The following TMEM116 variants were observed in gnomAD, a reference collection of about 807,000 sequenced individuals.
TMEM116 encodes the protein transmembrane protein 116.
In TMEM116, 38 loss-of-function variants were observed where a neutral mutation model predicts 44.3. That is an observed-to-expected ratio of 0.86 (90% CI 0.66 to 1.12). TMEM116 has a LOEUF of 1.12. TMEM116 is among the 50% of genes most tolerant of loss of function. The pLI, the probability that TMEM116 is intolerant of heterozygous loss-of-function variation, is 0.00. For missense variants in TMEM116, 354 were observed against 401.7 expected, an observed-to-expected ratio of 0.88 and a Z score of 1.01; for synonymous variants, 132 against 144.8, an observed-to-expected ratio of 0.91 and a Z score of 0.64.
At chr12:111,945,532 T>C (rs992418673) in intron 4 of TMEM116, among the ~76,000 whole-genome samples, 2 of 152,118 alleles carry the variant, frequency 1.3e-5, no homozygotes, top group South Asian at 2.1e-4. Flanking sequence ...TTAAGTGATA[T>C]TGTTAAAAAC....
At chr12:111,992,518 C>G (rs762691877) in intron 3 of TMEM116, among the ~76,000 whole-genome samples, 11 of 152,174 alleles carry the variant, frequency 7.2e-5, no homozygotes, top group Non-Finnish European at 1.6e-4. Context: ...ATCCACCCTC[C>G]TCGGCCTCCC....
intron 1 of TMEM116, among the ~76,000 whole-genome samples, chr12:112,010,173 T>A (rs1450250024): frequency 6.6e-6 from 1 of 152,054 alleles, no homozygotes; most frequent in Non-Finnish European, 1.5e-5. Flanking sequence ...CCTTTTCCAC[T>A]TGTTCTCTAT....
At chr12:111,946,198 A>T (rs2073258888) in intron 4 of TMEM116, among the ~76,000 whole-genome samples, 1 of 152,222 alleles carries the variant, frequency 6.6e-6, no homozygotes, top group Non-Finnish European at 1.5e-5. Flanking sequence ...TAAAATCCAT[A>T]CATTCCCCTT....
chr12:111,942,188 T>C (rs1045818625), intron 5 of TMEM116, among the ~76,000 whole-genome samples: 14 of 152,218 alleles, frequency 9.2e-5, no homozygotes, highest in African/African-American at 3.1e-4. Flanking sequence ...TCCACCCATC[T>C]TGGCTTCCCA....
At position 111,933,992 on chromosome 12, in the gene TMEM116, A is replaced by T; in HGVS notation, c.627T>A (p.Phe209Leu). The change falls in exon 9 of 11, where the codon TTT becomes TTA. Residue 209 changes from phenylalanine to leucine, a missense_variant. Transcript: ENST00000552374. ...TCCCCAGAAAGCCAGTTGACTTCACAAACTTCTTATACAATGTCTGGGCTC... is the reference window on the plus strand; with the variant it reads ...TCCCCAGAAAGCCAGTTGACTTCACTAACTTCTTATACAATGTCTGGGCTC... ...LIRAQTLYKK[F>L]VKSTGFLGSE... The T allele has an allele frequency of 6.2e-7, 1 of 1,614,236 alleles. No individual in the cohort carries two copies. Among genetic ancestry groups the T allele is most frequent in the Non-Finnish European group, 8.5e-7 (1 of 1,180,046 alleles).
At chr12:111,941,308 G>A (rs924735368) in intron 5 of TMEM116, among the ~76,000 whole-genome samples, 7 of 151,692 alleles carry the variant, frequency 4.6e-5, no homozygotes, top group African/African-American at 1.5e-4. Flanking sequence ...CCAGGGAGTC[G>A]GAGGCTGCAG....
At chr12:111,988,066 C>A (rs183123087) in intron 4 of TMEM116, among the ~76,000 whole-genome samples, 1 of 152,060 alleles carries the variant, frequency 6.6e-6, no homozygotes, top group Non-Finnish European at 1.5e-5. Context: ...TGAAATAAGC[C>A]GGACACAAAA....
At chr12:111,987,462 G>A (rs745790175) in intron 4 of TMEM116, among the ~76,000 whole-genome samples, 3 of 148,962 alleles carry the variant, frequency 2.0e-5, no homozygotes, top group Non-Finnish European at 4.4e-5. Flanking sequence ...CCGAGATAGC[G>A]CCACTGCACT....
intron 3 of TMEM116, among the ~76,000 whole-genome samples, chr12:111,998,005 T>C (rs2077024514): frequency 6.6e-6 from 1 of 152,158 alleles, no homozygotes; most frequent in Admixed American, 6.5e-5. Flanking sequence ...AGTCAAGAAA[T>C]ATATAAAGAA....
intron 5 of TMEM116, among the ~76,000 whole-genome samples, chr12:111,939,921 T>G (rs926557901): frequency 7.0e-6 from 1 of 143,070 alleles, no homozygotes. Flanking sequence ...TGTGTGTGTG[T>G]GTGTGTGTGT....
chr12:111,966,432 T>C (rs1006939990), intron 4 of TMEM116, among the ~76,000 whole-genome samples: 3 of 152,154 alleles, frequency 2.0e-5, no homozygotes, highest in African/African-American at 7.2e-5. Flanking sequence ...TCAACTTAGA[T>C]AGGTCAACAG....
intron 10 of TMEM116, 78 bp downstream of exon 10, chr12:111,932,508 C>T: frequency 8.2e-7 from 1 of 1,222,974 alleles, no homozygotes; most frequent in Admixed American, 1.7e-5. Flanking sequence ...AAAAAATCAT[C>T]CTTACCGAGT....
chr12:111,947,676 C>T lies in TMEM116; in HGVS notation c.211-4307G>A, dbSNP rs1411373682. Among the ~76,000 whole-genome samples, 17 of 152,112 alleles carry T rather than the reference C, an allele frequency of 1.1e-4. 1 individual carries two copies. Among genetic ancestry groups the T allele is most frequent in the Admixed American group, 1.0e-3 (16 of 15,270 alleles). On this transcript the variant is annotated intron_variant, in intron 4 of 10. Transcript: ENST00000552374. ...CATGGTTATTCAAAGGTTGTGTCAT[C>T]CTCAGTTATTGTTTTCATTCTTCCC... is the stretch of plus-strand genomic sequence containing the variant.
intron 4 of TMEM116, among the ~76,000 whole-genome samples, chr12:111,970,911 GA>G (rs965202831): frequency 6.6e-6 from 1 of 151,744 alleles, no homozygotes; most frequent in African/African-American, 2.4e-5. Flanking sequence ...CATTTTTTAA[GA>G]AAAAAACATA....
At chr12:111,974,291 T>A (rs1404021630) in intron 4 of TMEM116, among the ~76,000 whole-genome samples, 1 of 152,118 alleles carries the variant, frequency 6.6e-6, no homozygotes, top group Non-Finnish European at 1.5e-5. Flanking sequence ...CTGTCCACTT[T>A]CACCACTTTT....
At chr12:111,998,205 ACT>A (rs766107827) in intron 3 of TMEM116, among the ~76,000 whole-genome samples, 17 of 152,194 alleles carry the variant, frequency 1.1e-4, no homozygotes, top group Non-Finnish European at 2.5e-4. Context: ...GAGTCGGCAA[ACT>A]CTGATTAGTG....
chr12:111,968,671 G>C (rs931934712), intron 4 of TMEM116, among the ~76,000 whole-genome samples: 3 of 152,210 alleles, frequency 2.0e-5, no homozygotes, highest in Admixed American at 6.5e-5. Context: ...TTTTCAGTAA[G>C]TTGAGACATT....
At chr12:111,979,964 C>A (rs2075856483) in intron 4 of TMEM116, among the ~76,000 whole-genome samples, 1 of 152,182 alleles carries the variant, frequency 6.6e-6, no homozygotes, top group African/African-American at 2.4e-5. Flanking sequence ...TAGAAACTCT[C>A]ATTTATTGCT....
chr12:111,939,956 G>C (rs1015670050), intron 5 of TMEM116, among the ~76,000 whole-genome samples: 1 of 143,990 alleles, frequency 6.9e-6, no homozygotes, highest in Non-Finnish European at 1.5e-5. Context: ...TACAACAGCA[G>C]ACTAATAGGT....
Sources: allele counts gnomAD v4.1 joint callset (sites outside exome capture counted in the v4.1 genomes callset), GRCh38; gene constraint gnomAD v4.1.1; transcripts MANE v1.5; gene names NCBI Gene and HGNC (gene_info 2026-07-23, HGNC 2026-07-21).